The following KIAA0586 variants were observed in gnomAD, a reference collection of about 807,000 sequenced individuals.
KIAA0586 encodes protein TALPID3.
In KIAA0586, 144 loss-of-function variants were observed where a neutral mutation model predicts 169.8. That is an observed-to-expected ratio of 0.85 (90% CI 0.74 to 0.97). KIAA0586 has a LOEUF of 0.97. KIAA0586 is among the 50% of genes least tolerant of loss of function. KIAA0586 has a pLI of 0.00. For synonymous variants in KIAA0586, 625 were observed against 612.4 expected (o/e 1.02, Z -0.30); for missense variants, 1,854 against 1,823.0 (o/e 1.02, Z -0.31).
rs1307758243 is a variant in KIAA0586, at chr14:58,470,705, TG to T, written c.2536del (p.Val846CysfsTer5). The T allele has an allele frequency of 8.3e-6, 13 of 1,571,026 alleles. No individual in the cohort carries two copies. Among genetic ancestry groups the T allele is most frequent in the Non-Finnish European group, 1.1e-5 (12 of 1,141,464 alleles). ...GCCCCAAAGAAGCATCTCTTCCTCC[TG>T]TGCAAACTTGGATAAAGGTATATTT... is the stretch of plus-strand genomic sequence containing the variant. ...SSPKEASLPP[V>X]QTWIKTPEIM... On this transcript the variant is annotated frameshift_variant, in exon 17 of 31. Coordinates refer to ENST00000652326, the MANE Select transcript of KIAA0586 (RefSeq NM_001329943.3). LOFTEE classifies it high-confidence loss of function.
At chr14:58,534,089 A>G (rs919699503) in intron 29 of KIAA0586, among the ~76,000 whole-genome samples, 1 of 152,172 alleles carries the variant, frequency 6.6e-6, no homozygotes, top group Non-Finnish European at 1.5e-5. Flanking sequence ...AATACAGTAT[A>G]TTTTTAGTGA....
chr14:58,468,576 A>C (rs564829199), intron 16 of KIAA0586, among the ~76,000 whole-genome samples: 1 of 152,254 alleles, frequency 6.6e-6, no homozygotes, highest in Non-Finnish European at 1.5e-5. Flanking sequence ...GACTTGAATG[A>C]ATACAAGACT....
At chr14:58,537,809 G>C (rs184790791) in intron 29 of KIAA0586, among the ~76,000 whole-genome samples, 1 of 151,870 alleles carries the variant, frequency 6.6e-6, no homozygotes, top group Non-Finnish European at 1.5e-5. Flanking sequence ...CACCACGCCC[G>C]GCTAATTTTT....
chr14:58,510,443 A>G (rs1481201384), intron 28 of KIAA0586, among the ~76,000 whole-genome samples: 1 of 152,210 alleles, frequency 6.6e-6, no homozygotes, highest in Non-Finnish European at 1.5e-5. Context: ...AGCTACCACC[A>G]CACATCCATT....
intron 29 of KIAA0586, among the ~76,000 whole-genome samples, chr14:58,532,000 A>G (rs768305978): frequency 3.3e-5 from 5 of 151,902 alleles, no homozygotes; most frequent in Non-Finnish European, 7.4e-5. Flanking sequence ...ACACTTGGCC[A>G]CAGGGAAGGG....
chr14:58,539,203 C>A (rs573952709), intron 29 of KIAA0586, among the ~76,000 whole-genome samples: 2 of 152,266 alleles, frequency 1.3e-5, no homozygotes, highest in South Asian at 4.1e-4. Flanking sequence ...AGGATCTCAT[C>A]CTTTTTTATG....
At chr14:58,436,352 GAA>G (rs911574289) in intron 4 of KIAA0586, among the ~76,000 whole-genome samples, 1 of 143,608 alleles carries the variant, frequency 7.0e-6, no homozygotes, top group Non-Finnish European at 1.5e-5. Flanking sequence ...TGTCCCCACC[GAA>G]AAAAAAAAAG....
chr14:58,488,470 C>A, intron 23 of KIAA0586, 151 bp from the exon 24 acceptor site: 1 of 847,408 alleles, frequency 1.2e-6, no homozygotes, highest in Non-Finnish European at 1.8e-6. Flanking sequence ...AGCATGAAAA[C>A]AACTTTTAAA....
Position 58,459,891 on chromosome 14 carries a change from A to G in KIAA0586, c.1705A>G (p.Asn569Asp). ...DYEQKRFDQK[N>D]QRTKKGQNMT... ...TGAACAAAAAAGATTTGATCAGAAGAATCAGAGAACCAAGAAAGGTCAGAA... is the reference window on the plus strand; with the variant it reads ...TGAACAAAAAAGATTTGATCAGAAGGATCAGAGAACCAAGAAAGGTCAGAA... Residue 569 changes from asparagine (N) to aspartate (D), a missense_variant, in exon 13 of 31, where the codon AAT (asparagine) becomes GAT (aspartate). Asn to Asp is a conservative substitution (Grantham distance 23). Coordinates refer to ENST00000652326, the MANE Select transcript of KIAA0586 (RefSeq NM_001329943.3). 6.5e-7 allele frequency: 1 copy of G among 1,533,866 alleles called. No homozygotes were observed. Among genetic ancestry groups the G allele is most frequent in the South Asian group, 1.2e-5 (1 of 83,808 alleles).
chr14:58,511,746 G>A (rs1400648035), intron 28 of KIAA0586, among the ~76,000 whole-genome samples: 1 of 152,212 alleles, frequency 6.6e-6, no homozygotes, highest in Non-Finnish European at 1.5e-5. Context: ...GAGGATGCCT[G>A]TCAGAGGTGC....
intron 27 of KIAA0586, 117 bp from the exon 28 acceptor site, chr14:58,508,438 C>A: frequency 1.3e-6 from 1 of 778,774 alleles, no homozygotes; most frequent in South Asian, 1.9e-5. Context: ...TTGAAGTACA[C>A]TGCTAGTTCT....
intron 19 of KIAA0586, among the ~76,000 whole-genome samples, chr14:58,475,571 C>T (rs1264841888): frequency 5.9e-5 from 9 of 151,910 alleles, no homozygotes; most frequent in Non-Finnish European, 1.3e-4. Context: ...TTACATATTA[C>T]AATAACAATT....
intron 6 of KIAA0586, 53 bp from the exon 7 acceptor site, chr14:58,448,287 C>A: frequency 8.8e-7 from 1 of 1,130,704 alleles, no homozygotes; most frequent in Non-Finnish European, 1.3e-6. Flanking sequence ...ATTTTATCAT[C>A]TAACTCTTTC....
chr14:58,453,552 A>G, intron 9 of KIAA0586, 79 bp downstream of exon 9: 1 of 984,370 alleles, frequency 1.0e-6, no homozygotes, highest in Non-Finnish European at 1.4e-6. Flanking sequence ...GGGACTTTTA[A>G]TAAATTATAG....
At chr14:58,478,686 A>C (rs2041830374) in intron 20 of KIAA0586, among the ~76,000 whole-genome samples, 1 of 152,124 alleles carries the variant, frequency 6.6e-6, no homozygotes, top group African/African-American at 2.4e-5. Context: ...GAGATAGAAA[A>C]ACATTTCTGT....
At chr14:58,440,361 C>T (rs1477285118) in intron 4 of KIAA0586, among the ~76,000 whole-genome samples, 3 of 151,948 alleles carry the variant, frequency 2.0e-5, no homozygotes, top group South Asian at 2.1e-4. Flanking sequence ...GACTGAGTTT[C>T]GCTCTTGTCG....
At chr14:58,503,520 G>C (rs966481208) in intron 27 of KIAA0586, among the ~76,000 whole-genome samples, 3 of 152,178 alleles carry the variant, frequency 2.0e-5, no homozygotes, top group African/African-American at 7.2e-5. Flanking sequence ...GCATGTGCTA[G>C]GTGCTAGGAA....
In KIAA0586 at chr14:58,430,684, T is replaced by G; in HGVS notation, c.307T>G (p.Leu103Val). 1 of 1,605,344 alleles carries G rather than the reference T, an allele frequency of 6.2e-7. No individual in the cohort carries two copies. The highest frequency in any genetic ancestry group is 8.5e-7 in the Non-Finnish European group (1 of 1,174,902). Residue 103 changes from leucine (L) to valine (V), a missense_variant, in exon 3 of 31, where the codon TTG becomes GTG. By Grantham distance (32) the Leu-to-Val change is conservative. Coordinates refer to ENST00000652326, the MANE Select transcript of KIAA0586 (RefSeq NM_001329943.3). ...SKDVAVQVLPLDKIEENNKQK... is the reference protein window; with the variant it reads ...SKDVAVQVLPVDKIEENNKQK... ...AGACGTTGCAGTGCAAGTGTTGCCTTTGGATAAAATAGAAGAGAACAACAA... is the reference window on the plus strand; with the variant it reads ...AGACGTTGCAGTGCAAGTGTTGCCTGTGGATAAAATAGAAGAGAACAACAA...
chr14:58,462,325 G>A lies in KIAA0586; in HGVS notation c.2059+1165G>A, dbSNP rs2040393840. Among the ~76,000 whole-genome samples, 3 of 144,558 alleles carry A rather than the reference G, an allele frequency of 2.1e-5. No homozygotes were observed. The South Asian group carries it at 6.9e-4, about 33-fold the overall frequency. The allele number at this position is 144,558 out of a possible 152,430, so 94.8% of individuals were successfully genotyped here. On this transcript the variant is annotated intron_variant, in intron 14 of 30. Coordinates refer to ENST00000652326, the MANE Select transcript of KIAA0586 (RefSeq NM_001329943.3). ...TGCAGTGGCACAGTCTTGGCTCACT[G>A]CAACCTCCACCTCCCGGGTTCAAAC...
Sources: allele counts gnomAD v4.1 joint callset (sites outside exome capture counted in the v4.1 genomes callset), GRCh38; gene constraint gnomAD v4.1.1; transcripts MANE v1.5; gene names NCBI Gene and HGNC (gene_info 2026-07-23, HGNC 2026-07-21).